The following HACL1 variants were observed in gnomAD, a reference collection of about 807,000 sequenced individuals.
The protein encoded by HACL1 is 1600020H07Rik.
A neutral mutation model predicts 74.2 loss-of-function variants in HACL1; 64 were observed. The ratio of observed to expected loss-of-function variants is 0.86; its 90% CI spans 0.70 to 1.06. HACL1 has a LOEUF of 1.06. HACL1 is among the 50% of genes least tolerant of loss of function. The pLI, the probability that HACL1 is intolerant of heterozygous loss-of-function variation, is 0.00. For synonymous variants in HACL1, 230 were observed against 238.8 expected (o/e 0.96, Z 0.34); for missense variants, 728 against 719.7 (o/e 1.01, Z -0.13).
intron 16 of HACL1, among the ~76,000 whole-genome samples, chr3:15,562,595 A>G (rs537277625): frequency 3.6e-4 from 55 of 152,368 alleles, no homozygotes; most frequent in Non-Finnish European, 7.1e-4. Context: ...ATCTGCTCTG[A>G]TAAGAGTGGC....
rs770588376 is a variant in HACL1, at chr3:15,601,053, C to T, written c.186+37G>A. The T allele has an allele frequency of 1.8e-5, 23 of 1,245,432 alleles. No homozygotes were observed. The East Asian group carries it at 4.8e-4, about 26-fold the overall frequency. 77.1% of individuals were successfully genotyped at this position (1,245,432 alleles called of 1,614,324 possible). On this transcript the variant is annotated intron_variant, in intron 2 of 16. Transcript: ENST00000321169. ...ATACCTACCGCTATTACTGATCATT[C>T]CCAGTAACGCATTCAGCCACCTGAG...
chr3:15,587,872 T>C (rs1012963263), intron 5 of HACL1, among the ~76,000 whole-genome samples: 2 of 152,214 alleles, frequency 1.3e-5, no homozygotes, highest in Admixed American at 6.5e-5. Context: ...GATTTACAAA[T>C]AGACTTTGTC....
At position 15,575,011 on chromosome 3, in the gene HACL1, G is replaced by A. The variant is rs1280761034; in HGVS notation, c.875C>T (p.Pro292Leu). 1 of 1,583,216 alleles carries A rather than the reference G, an allele frequency of 6.3e-7. No homozygotes were observed. Among genetic ancestry groups the A allele is most frequent in the South Asian group, 1.1e-5 (1 of 89,792 alleles). The stretch of plus-strand genomic sequence containing the variant: ...CTTCACATCTGGCTGATATCTTGGA[G>A]GCAGTCCAAAATGTAAAATCCAATT... ...RLNWILHFGL[P>L]PRYQPDVKFI... Residue 292 changes from proline (P) to leucine (L), a missense_variant, in exon 10 of 17, where the codon CCT becomes CTT. Pro to Leu is a moderately conservative substitution (Grantham distance 98). Transcript: ENST00000321169.
chr3:15,578,097 CAAA>C (rs397876768), intron 9 of HACL1, among the ~76,000 whole-genome samples: 7 of 60,290 alleles, frequency 1.2e-4, no homozygotes, highest in African/African-American at 2.6e-4. Context: ...GACTCCGTCT[CAAA>C]AAAAAAAAAA....
intron 3 of HACL1, among the ~76,000 whole-genome samples, chr3:15,593,407 T>C (rs2063994315): frequency 6.6e-6 from 1 of 151,722 alleles, no homozygotes; most frequent in Non-Finnish European, 1.5e-5. Flanking sequence ...TTGGTAGAGA[T>C]GGGGTTTCAC....
intron 8 of HACL1, among the ~76,000 whole-genome samples, chr3:15,580,467 T>C (rs894443262): frequency 3.9e-5 from 6 of 152,188 alleles, no homozygotes; most frequent in Non-Finnish European, 7.4e-5. Flanking sequence ...TCAAAACAAA[T>C]TGTGATTACA....
chr3:15,568,125 C>T, intron 13 of HACL1, 123 bp from the exon 14 acceptor site: 3 of 850,258 alleles, frequency 3.5e-6, no homozygotes, highest in South Asian at 3.5e-5. Flanking sequence ...AAAACATTCT[C>T]TTTCTTCAAT....
At chr3:15,599,813 C>A (rs886823710) in intron 2 of HACL1, among the ~76,000 whole-genome samples, 9 of 152,244 alleles carry the variant, frequency 5.9e-5, no homozygotes, top group Admixed American at 6.5e-5. Context: ...CTCTCTCCTA[C>A]AGGTTATGTA....
chr3:15,588,428 G>A (rs1002954291), intron 5 of HACL1, among the ~76,000 whole-genome samples: 1 of 151,870 alleles, frequency 6.6e-6, no homozygotes, highest in Non-Finnish European at 1.5e-5. Context: ...CACTGTCTCT[G>A]CAAAAAGTAC....
At chr3:15,595,205 A>G (rs2064034171) in intron 3 of HACL1, among the ~76,000 whole-genome samples, 1 of 152,096 alleles carries the variant, frequency 6.6e-6, no homozygotes, top group Non-Finnish European at 1.5e-5. Context: ...GCATTAATTA[A>G]TAACTATAAT....
intron 15 of HACL1, 43 bp downstream of exon 15, chr3:15,564,508 A>C: frequency 1.2e-6 from 1 of 856,228 alleles, no homozygotes; most frequent in Non-Finnish European, 1.9e-6. Context: ...AGAGATTAAA[A>C]CGGGAAAGAG....
At chr3:15,595,314 T>G (rs2064036356) in intron 3 of HACL1, among the ~76,000 whole-genome samples, 1 of 152,192 alleles carries the variant, frequency 6.6e-6, no homozygotes, top group African/African-American at 2.4e-5. Flanking sequence ...ATGGCCTATT[T>G]TTTTCAGGTT....
intron 7 of HACL1, among the ~76,000 whole-genome samples, chr3:15,584,712 TTTAACCC>T (rs2063765346): frequency 6.6e-6 from 1 of 152,222 alleles, no homozygotes; most frequent in African/African-American, 2.4e-5. Flanking sequence ...CCCATGATGC[TTTAACCC>T]TAAGTACCTA....
At chr3:15,594,863 C>G (rs896169052) in intron 3 of HACL1, among the ~76,000 whole-genome samples, 4 of 152,218 alleles carry the variant, frequency 2.6e-5, no homozygotes, top group African/African-American at 9.6e-5. Context: ...GGCATGGTGG[C>G]TCACGCCTGT....
At chr3:15,582,224 A>C (rs924440594) in intron 8 of HACL1, among the ~76,000 whole-genome samples, 3 of 152,232 alleles carry the variant, frequency 2.0e-5, no homozygotes, top group South Asian at 4.1e-4. Context: ...GGTTGGTACA[A>C]CACCTCCAGA....
intron 10 of HACL1, among the ~76,000 whole-genome samples, chr3:15,574,378 C>T (rs1162263072): frequency 6.6e-6 from 1 of 152,048 alleles, no homozygotes; most frequent in African/African-American, 2.4e-5. Flanking sequence ...CAAAAACAAC[C>T]AAGCAAAAAC....
intron 3 of HACL1, among the ~76,000 whole-genome samples, chr3:15,594,869 C>T (rs1284203532): frequency 1.3e-5 from 2 of 152,248 alleles, no homozygotes; most frequent in African/African-American, 4.8e-5. Context: ...GTGGCTCACG[C>T]CTGTAATCCC....
Position 15,583,006 on chromosome 3 carries a change from C to G in HACL1, c.555-17G>C. The G allele has an allele frequency of 7.7e-7, 1 of 1,303,478 alleles. No individual in the cohort carries two copies. The highest frequency in any genetic ancestry group is 1.1e-6 in the Non-Finnish European group (1 of 914,634). 80.7% of individuals were successfully genotyped at this position (1,303,478 alleles called of 1,614,324 possible). A position where few individuals can be genotyped will look rare whatever the true frequency, so the allele number is the denominator to read the frequency against. ...TCCATGTACCTGGAAAAAAAGAGCC[C>G]TATTAATTAAAAGAGGCCAACTATG... On this transcript the variant is annotated splice_polypyrimidine_tract_variant and intron_variant, in intron 7 of 16. Coordinates refer to ENST00000321169, the MANE Select transcript of HACL1 (RefSeq NM_012260.4).
intron 9 of HACL1, among the ~76,000 whole-genome samples, chr3:15,577,902 T>A (rs1214057895): frequency 6.6e-6 from 1 of 151,724 alleles, no homozygotes; most frequent in African/African-American, 2.4e-5. Context: ...ATGGAGACCA[T>A]CCTGGCTAAC....
Sources: gnomAD v4.1 joint callset for allele counts (sites outside exome capture counted in the v4.1 genomes callset) on GRCh38, gnomAD v4.1.1 for gene constraint, MANE v1.5 for transcripts, NCBI Gene and HGNC (gene_info 2026-07-23, HGNC 2026-07-21) for gene names.